CTNNBL1: variants seen among roughly 807,000 people sequenced by gnomAD.
CTNNBL1 encodes the protein catenin beta like 1.
A neutral mutation model predicts 72.7 loss-of-function variants in CTNNBL1; 31 were observed. The observed-to-expected ratio is 0.43, with a 90% CI of 0.32 to 0.58. The LOEUF (loss-of-function observed/expected upper bound fraction) is 0.58, where lower values mean the gene tolerates loss of function less well. Among genes scored for constraint, CTNNBL1 ranks in the 20% least tolerant of loss-of-function variants. CTNNBL1 has a pLI of 0.08. For synonymous variants in CTNNBL1, 240 were observed against 267.3 expected, an observed-to-expected ratio of 0.90 and a Z score of 1.00; for missense variants, 534 against 725.1, an observed-to-expected ratio of 0.74 and a Z score of 3.03.
chr20:37,811,666 G>T (rs568054783), intron 11 of CTNNBL1, among the ~76,000 whole-genome samples: 15 of 152,306 alleles, frequency 9.8e-5, no homozygotes, highest in African/African-American at 3.4e-4. Context: ...GATTTACCCA[G>T]CTCCCAAGTA....
intron 10 of CTNNBL1, among the ~76,000 whole-genome samples, chr20:37,787,345 T>C (rs1272385456): frequency 7.0e-6 from 1 of 143,784 alleles, no homozygotes; most frequent in South Asian, 2.3e-4. Context: ...AACTGTGTGT[T>C]TTTTTTTTTT....
chr20:37,720,014 T>A (rs1250122281), intron 1 of CTNNBL1, among the ~76,000 whole-genome samples: 4 of 151,640 alleles, frequency 2.6e-5, no homozygotes, highest in Non-Finnish European at 5.9e-5. Flanking sequence ...GCCTGGCTAA[T>A]TTTTTTAAAA....
At chr20:37,712,693 T>G (rs1228639765) in intron 1 of CTNNBL1, among the ~76,000 whole-genome samples, 1 of 152,258 alleles carries the variant, frequency 6.6e-6, no homozygotes, top group African/African-American at 2.4e-5. Context: ...CTGCCTCTGC[T>G]GTCTCTGCTG....
At position 37,731,338 on chromosome 20, in the gene CTNNBL1, C is replaced by T. The variant is rs548973625; in HGVS notation, c.31-1541C>T. Reference sequence around the variant, plus strand: ...GCAACCTCTGCCTCCCGGGTTCAAGCGATTCTCCTGCCTCAGCCTCCCAAG... The same window carrying T: ...GCAACCTCTGCCTCCCGGGTTCAAGTGATTCTCCTGCCTCAGCCTCCCAAG... On this transcript the variant is annotated intron_variant, in intron 1 of 15. Coordinates refer to ENST00000361383, the MANE Select transcript of CTNNBL1 (RefSeq NM_030877.5). 7.2e-5 allele frequency among the ~76,000 whole-genome samples: 11 copies of T among 152,002 alleles called. No homozygotes were observed. In the East Asian group the frequency reaches 7.7e-4, roughly 11 times the overall value.
At chr20:37,694,367 C>T (rs1206208460) in intron 1 of CTNNBL1, among the ~76,000 whole-genome samples, 1 of 152,214 alleles carries the variant, frequency 6.6e-6, no homozygotes. Flanking sequence ...CCTTCACCTC[C>T]TCTTCCTCAC....
intron 3 of CTNNBL1, among the ~76,000 whole-genome samples, chr20:37,744,952 CAG>C (rs1488253351): frequency 6.6e-6 from 1 of 151,988 alleles, no homozygotes; most frequent in Non-Finnish European, 1.5e-5. Context: ...TACACTGAAA[CAG>C]AATTTAAGAG....
At chr20:37,701,290 G>C (rs1413544180) in intron 1 of CTNNBL1, among the ~76,000 whole-genome samples, 1 of 152,072 alleles carries the variant, frequency 6.6e-6, no homozygotes, top group Non-Finnish European at 1.5e-5. Context: ...TGGTTTTCCG[G>C]TTTTTGTTCT....
chr20:37,744,322 A>G (rs189937223), intron 3 of CTNNBL1, among the ~76,000 whole-genome samples: 250 of 152,326 alleles, frequency 1.6e-3, no homozygotes, highest in Non-Finnish European at 2.0e-3. Context: ...ATCAAAATCT[A>G]TTTAAGTCAT....
chr20:37,812,261 T>C (rs1412108659), intron 11 of CTNNBL1, among the ~76,000 whole-genome samples: 3 of 152,210 alleles, frequency 2.0e-5, no homozygotes, highest in Non-Finnish European at 4.4e-5. Flanking sequence ...TATGGTAATA[T>C]AGTTATTGCA....
intron 6 of CTNNBL1, among the ~76,000 whole-genome samples, chr20:37,766,885 A>C (rs899535831): frequency 9.9e-5 from 15 of 152,238 alleles, no homozygotes; most frequent in African/African-American, 3.6e-4. Context: ...GGATAAAGTC[A>C]TGGAAGATTA....
chr20:37,870,150 G>C (rs952158623), intron 15 of CTNNBL1, among the ~76,000 whole-genome samples: 3 of 152,036 alleles, frequency 2.0e-5, no homozygotes, highest in Non-Finnish European at 4.4e-5. Context: ...GACACTCTCT[G>C]ATGGCATCCT....
intron 15 of CTNNBL1, among the ~76,000 whole-genome samples, chr20:37,866,920 C>T (rs73094651): frequency 0.014 from 2,193 of 152,200 alleles, 26 homozygotes; most frequent in Non-Finnish European, 0.023. Context: ...CACACAGGCT[C>T]GACTTCCCCG....
At chr20:37,842,469 G>A (rs958835510) in intron 13 of CTNNBL1, 50 bp downstream of exon 13, 1 of 1,328,910 alleles carries the variant, frequency 7.5e-7, no homozygotes, top group East Asian at 2.3e-5. Context: ...CCCTCCGTTT[G>A]GGTCCCTTGT....
rs568775626 is a variant in CTNNBL1 at position 37,695,987 on chromosome 20, T to C, written c.30+1835T>C. 1.3e-3 allele frequency among the ~76,000 whole-genome samples: 198 copies of C among 152,326 alleles called. 1 individual carries two copies. The highest frequency in any genetic ancestry group is 4.7e-3 in the African/African-American group (196 of 41,574). On this transcript the variant is annotated intron_variant, in intron 1 of 15. Coordinates refer to ENST00000361383, the MANE Select transcript of CTNNBL1 (RefSeq NM_030877.5). ...CAAGAGATTTTTCTTTTAAAGACAG[T>C]TTAATTGATAGTGAAAGATGAAGGG... is the stretch of plus-strand genomic sequence containing the variant.
At chr20:37,838,735 A>G (rs767528898) in intron 11 of CTNNBL1, among the ~76,000 whole-genome samples, 16 of 152,154 alleles carry the variant, frequency 1.1e-4, no homozygotes, top group Non-Finnish European at 2.2e-4. Flanking sequence ...AGAAAATACA[A>G]AATTAGCCAG....
At chr20:37,835,326 T>C (rs1183442404) in intron 11 of CTNNBL1, among the ~76,000 whole-genome samples, 1 of 152,234 alleles carries the variant, frequency 6.6e-6, no homozygotes, top group African/African-American at 2.4e-5. Flanking sequence ...AATAAATCTT[T>C]TCCTGTACAT....
At chr20:37,754,974 A>ATTTTTGTATTTTTAGTAGAGACAGG (rs1363869876) in intron 4 of CTNNBL1, among the ~76,000 whole-genome samples, 2 of 151,858 alleles carry the variant, frequency 1.3e-5, no homozygotes, top group Non-Finnish European at 2.9e-5. Flanking sequence ...CACCTGTCTG[A>ATTTTTGTATTTTTAGTAGAGACAGG]TTTTTGTATT....
In CTNNBL1 at chr20:37,842,420, G is replaced by A. The variant is rs766206506; in HGVS notation, c.1392+1G>A. ...CAAGAAGATTGAAGGGGAAAAACAC[G>A]TATGTATCCCTGCCTCACTTTTGCC... On this transcript the variant is annotated splice_donor_variant, in intron 13 of 15. Coordinates refer to ENST00000361383, the MANE Select transcript of CTNNBL1 (RefSeq NM_030877.5). LOFTEE classifies it high-confidence loss of function. The A allele has an allele frequency of 6.2e-6, 10 of 1,610,322 alleles. No homozygotes were observed. The highest frequency in any genetic ancestry group is 7.6e-6 in the Non-Finnish European group (9 of 1,176,610).
chr20:37,713,496 G>A (rs188518235), intron 1 of CTNNBL1, among the ~76,000 whole-genome samples: 6 of 152,320 alleles, frequency 3.9e-5, no homozygotes, highest in Admixed American at 2.0e-4. Flanking sequence ...TTCACCTTGT[G>A]TGAGGCAGAG....
Sources: gnomAD v4.1 joint callset for allele counts (sites outside exome capture counted in the v4.1 genomes callset) on GRCh38, gnomAD v4.1.1 for gene constraint, MANE v1.5 for transcripts, NCBI Gene and HGNC (gene_info 2026-07-23, HGNC 2026-07-21) for gene names.